Variants in TRPM1 observed in about 807,000 individuals in gnomAD.
The protein encoded by TRPM1 is transient receptor potential cation channel subfamily M member 1.
TRPM1 carries 113 observed loss-of-function variants against 149.4 expected under a neutral mutation model. That is an observed-to-expected ratio of 0.76 (90% CI 0.65 to 0.88). TRPM1 has a LOEUF of 0.88. TRPM1 is among the 40% of genes least tolerant of loss of function. The pLI is 0.00. For missense variants in TRPM1, 1,976 were observed against 2,038.7 expected (o/e 0.97, Z 0.59); for synonymous variants, 741 against 759.5 (o/e 0.98, Z 0.40).
chr15:31,058,297 G>A (rs971029964), intron 11 of TRPM1, among the ~76,000 whole-genome samples: 2 of 152,130 alleles, frequency 1.3e-5, no homozygotes, highest in Non-Finnish European at 2.9e-5. Flanking sequence ...AATAAGTCAT[G>A]GTCCAAATAT....
chr15:31,147,595 C>T (rs1274228979), intron 1 of TRPM1, among the ~76,000 whole-genome samples: 1 of 152,234 alleles, frequency 6.6e-6, no homozygotes, highest in Non-Finnish European at 1.5e-5. Context: ...TCTTGTTCAT[C>T]ACTCCCGATT....
chr15:31,118,531 T>C (rs1567065812), intron 1 of TRPM1, among the ~76,000 whole-genome samples: 2 of 152,126 alleles, frequency 1.3e-5, no homozygotes, highest in South Asian at 2.1e-4. Flanking sequence ...CAAGATGGCT[T>C]AGTCAGTTTG....
At chr15:31,080,655 GCCC>G (rs1381620867) in intron 2 of TRPM1, among the ~76,000 whole-genome samples, 1 of 12,934 alleles carries the variant, frequency 7.7e-5, no homozygotes, top group Non-Finnish European at 1.5e-4. Flanking sequence ...CCTCGACCCC[GCCC>G]CCTCACCCCG....
At chr15:31,160,958 ATC>A (rs1567086420) in exon 1 of TRPM1, 1 of 1,535,352 alleles carries the variant, frequency 6.5e-7, no homozygotes, top group Non-Finnish European at 8.7e-7. Context: ...GAAGGAGCTC[ATC>A]TCTCTCAGTG....
intron 1 of TRPM1, among the ~76,000 whole-genome samples, chr15:31,111,283 C>T (rs2035685323): frequency 6.6e-6 from 1 of 152,184 alleles, no homozygotes; most frequent in African/African-American, 2.4e-5. Context: ...ACGTAAGAAG[C>T]CCCAGTGTGT....
chr15:31,140,270 T>C (rs1316825773), intron 1 of TRPM1, among the ~76,000 whole-genome samples: 1 of 151,404 alleles, frequency 6.6e-6, no homozygotes, highest in Non-Finnish European at 1.5e-5. Context: ...ACCCAGCTAC[T>C]TGGGAGGCTG....
Position 31,040,166 on chromosome 15 carries a change from G to T in TRPM1, c.2268C>A (p.Thr756=), listed in dbSNP as rs756489745. 5.0e-6 allele frequency: 8 copies of T among 1,614,170 alleles called. No homozygotes were observed. The highest frequency in any genetic ancestry group is 6.8e-6 in the Non-Finnish European group (8 of 1,180,030). ...TCCGCAGTCTTCCCATCCACATATC[G>T]GTCAGCAGCATCTGGCTGCAGGTGT... is the stretch of plus-strand genomic sequence containing the variant. ...IAHTCSQMLL[T]DMWMGRLRMR... is the part of the protein sequence containing the mutation. The change falls in exon 18 of 28, where the codon ACC becomes ACA. Residue 756 remains threonine, a synonymous_variant. Transcript: ENST00000256552. The surrounding 1 kb of genome is among the most constrained non-coding windows in gnomAD (Gnocchi z 4.2).
chr15:31,022,738 G>A (rs989387611), intron 27 of TRPM1, among the ~76,000 whole-genome samples: 2 of 152,172 alleles, frequency 1.3e-5, no homozygotes, highest in African/African-American at 4.8e-5. Flanking sequence ...TTCGAATCAG[G>A]AGAAAAGCTT....
intron 5 of TRPM1, 39 bp downstream of exon 5, chr15:31,067,840 G>A: frequency 6.3e-7 from 1 of 1,595,740 alleles, no homozygotes; most frequent in Non-Finnish European, 8.6e-7. Flanking sequence ...AGTTCTGGGT[G>A]GTACATTGAT....
intron 1 of TRPM1, among the ~76,000 whole-genome samples, chr15:31,088,456 T>C (rs1244250063): frequency 1.3e-5 from 2 of 152,196 alleles, no homozygotes; most frequent in Non-Finnish European, 2.9e-5. Context: ...CTGTACGGTA[T>C]GTGGCTTCAC....
At chr15:31,145,271 A>G (rs868650650) in intron 1 of TRPM1, among the ~76,000 whole-genome samples, 5 of 152,352 alleles carry the variant, frequency 3.3e-5, no homozygotes, top group Non-Finnish European at 5.9e-5. Flanking sequence ...AAGCCAGGAC[A>G]ACAAGATGCT....
intron 1 of TRPM1, among the ~76,000 whole-genome samples, chr15:31,146,923 G>A (rs927774620): frequency 1.3e-5 from 2 of 152,030 alleles, no homozygotes; most frequent in South Asian, 2.1e-4. Flanking sequence ...AGGAGGCAGA[G>A]GTTGCAGTGA....
chr15:31,051,292 C>A (rs943561891), intron 11 of TRPM1, among the ~76,000 whole-genome samples: 2 of 152,176 alleles, frequency 1.3e-5, no homozygotes, highest in Non-Finnish European at 2.9e-5. Flanking sequence ...ACAACCGGAC[C>A]CTCCAGCTGG....
intron 1 of TRPM1, among the ~76,000 whole-genome samples, chr15:31,159,669 C>G (rs940815836): frequency 1.7e-4 from 26 of 152,040 alleles, no homozygotes; most frequent in African/African-American, 4.6e-4. Flanking sequence ...TTTTAAAGAG[C>G]CTTTTATTTT....
At chr15:31,144,910 T>C (rs2036205894) in intron 1 of TRPM1, among the ~76,000 whole-genome samples, 1 of 151,892 alleles carries the variant, frequency 6.6e-6, no homozygotes, top group Non-Finnish European at 1.5e-5. Flanking sequence ...GAGATGGGGT[T>C]TCTTCATGTT....
chr15:31,125,354 G>C (rs991655230), intron 1 of TRPM1, among the ~76,000 whole-genome samples: 1 of 152,174 alleles, frequency 6.6e-6, no homozygotes, highest in Admixed American at 6.5e-5. Flanking sequence ...GGGGAGACAG[G>C]AAGTACATGG....
rs191225195 is a variant in TRPM1 at position 31,054,252 on chromosome 15, G to A, written c.1264-3670C>T. 1.1e-3 allele frequency among the ~76,000 whole-genome samples: 171 copies of A among 152,096 alleles called. 1 individual carries two copies. In the East Asian group the frequency reaches 0.019, roughly 17 times the overall value. ...CTTTTGTTACCTGTATATATCAAAC[G>A]TCTCTCTTTTTCTCTCTCTTCATTA... On this transcript the variant is annotated intron_variant, in intron 11 of 27. Transcript: ENST00000256552.
chr15:31,006,647 T>C (rs1268640196), intron 27 of TRPM1, among the ~76,000 whole-genome samples: 1 of 152,230 alleles, frequency 6.6e-6, no homozygotes, highest in Non-Finnish European at 1.5e-5. Context: ...ATAGCCGAGA[T>C]TGCTGATTCA....
At chr15:31,061,329 G>C (rs2034225412) in intron 10 of TRPM1, 113 bp downstream of exon 10, 5 of 1,036,446 alleles carry the variant, frequency 4.8e-6, no homozygotes, top group African/African-American at 1.6e-5. Context: ...CAAGTGGCCT[G>C]GCTGGCTCAG....
Sources: gnomAD v4.1 joint callset for allele counts (sites outside exome capture counted in the v4.1 genomes callset) on GRCh38, gnomAD v4.1.1 for gene constraint, Gnocchi (gnomAD v3.1) non-coding constraint, MANE v1.5 for transcripts, NCBI Gene and HGNC (gene_info 2026-07-23, HGNC 2026-07-21) for gene names.